Variants in BPIFB4 observed in about 807,000 individuals in gnomAD.
The protein encoded by BPIFB4 is BPI fold-containing family B member 4.
In BPIFB4, 62 loss-of-function variants were observed where a neutral mutation model predicts 69.2. The ratio of observed to expected loss-of-function variants is 0.90; its 90% confidence interval spans 0.73 to 1.11. BPIFB4 has a LOEUF of 1.11. BPIFB4 is among the 50% of genes least tolerant of loss of function. The probability of loss-of-function intolerance (pLI) is 0.00; values close to 1 mark genes in which losing one functional copy is unlikely to be tolerated. For missense variants in BPIFB4, 789 were observed against 792.0 expected, an observed-to-expected ratio of 1.00 and a Z score of 0.04; for synonymous variants, 330 against 332.7, an observed-to-expected ratio of 0.99 and a Z score of 0.09.
chr20:33,108,202 C>G (rs116006941), intron 17 of BPIFB4, among the ~76,000 whole-genome samples: 1 of 152,090 alleles, frequency 6.6e-6, no homozygotes, highest in Middle Eastern at 3.2e-3. Flanking sequence ...CAGCAGTGAA[C>G]AAGGACAACC....
At chr20:33,101,064 T>TGAGGAGGAGGACGAGGAG (rs1484116465) in intron 14 of BPIFB4, among the ~76,000 whole-genome samples, 2 of 152,030 alleles carry the variant, frequency 1.3e-5, no homozygotes, top group Non-Finnish European at 2.9e-5. Flanking sequence ...GTGATGATGA[T>TGAGGAGGAGGACGAGGAG]GAGGAGGAGG....
chr20:33,109,975 A>G (rs966435001), intron 17 of BPIFB4, among the ~76,000 whole-genome samples: 1 of 152,216 alleles, frequency 6.6e-6, no homozygotes, highest in Non-Finnish European at 1.5e-5. Context: ...AAAAGTTGCA[A>G]ACATAGTACA....
intron 10 of BPIFB4, among the ~76,000 whole-genome samples, chr20:33,091,210 G>T (rs1251995215): frequency 1.3e-5 from 2 of 152,174 alleles, no homozygotes; most frequent in Non-Finnish European, 2.9e-5. Context: ...GGGTGTACTG[G>T]AGGAATAAAT....
rs1474677532 is a variant in BPIFB4 at position 33,083,255 on chromosome 20, G to C, written c.170-112G>C. ...TGGGGGGCTGCTGGGTGGCAGTGGT[G>C]GGGGGTTGCTGGGTGGCAGTAGAGG... On this transcript the variant is annotated intron_variant, in intron 4 of 17. Transcript: ENST00000375483. The C allele has an allele frequency of 2.5e-5, 25 of 987,186 alleles. No individual in the cohort carries two copies. The East Asian group carries it at 9.3e-4, about 37-fold the overall frequency. 61.2% of individuals were successfully genotyped at this position (987,186 alleles called of 1,614,324 possible).
intron 16 of BPIFB4, 75 bp from the exon 17 acceptor site, chr20:33,107,669 C>A: frequency 8.8e-7 from 1 of 1,134,588 alleles, no homozygotes; most frequent in Non-Finnish European, 1.3e-6. Context: ...AATCTTCTTA[C>A]AAATACTGGC....
chr20:33,085,944 G>A (rs2146404134), intron 6 of BPIFB4, 77 bp from the exon 7 acceptor site: 1 of 1,505,618 alleles, frequency 6.6e-7, no homozygotes, highest in African/African-American at 1.4e-5. Flanking sequence ...GGGACAGCAA[G>A]GACAGGCCTG....
In BPIFB4 at chr20:33,097,575, A is replaced by G. The variant is rs773533068; in HGVS notation, c.1399-42A>G. On this transcript the variant is annotated intron_variant, in intron 12 of 17. Coordinates refer to ENST00000375483, the MANE Select transcript of BPIFB4 (RefSeq NM_182519.3). The stretch of plus-strand genomic sequence containing the variant: ...GCTGATAACCCCCTGGGTACCTCCT[A>G]TGCTAAGGGCCCTGTCCATCTGGCC... 23 of 1,589,540 alleles carry G rather than the reference A, an allele frequency of 1.4e-5. No individual in the cohort carries two copies. The South Asian group carries it at 1.5e-4, about 10-fold the overall frequency.
chr20:33,084,776 T>C, intron 5 of BPIFB4, 116 bp from the exon 6 acceptor site: 1 of 1,471,304 alleles, frequency 6.8e-7, no homozygotes, highest in Non-Finnish European at 9.0e-7. Flanking sequence ...GTCTAGTGTC[T>C]TTAGAGTCAG....
chr20:33,084,177 G>GA (rs1981347576), intron 5 of BPIFB4, among the ~76,000 whole-genome samples: 2 of 152,172 alleles, frequency 1.3e-5, no homozygotes, highest in Non-Finnish European at 2.9e-5. Flanking sequence ...CAGTGTAGTG[G>GA]AAAAGACCCC....
chr20:33,086,294 G>A (rs2146404454), intron 7 of BPIFB4, 130 bp downstream of exon 7: 1 of 1,234,020 alleles, frequency 8.1e-7, no homozygotes, highest in East Asian at 2.6e-5. Flanking sequence ...GGGGTGGTGA[G>A]TACTCATGCT....
chr20:33,099,896 AG>A (rs1293655385), intron 13 of BPIFB4, among the ~76,000 whole-genome samples: 4 of 151,008 alleles, frequency 2.6e-5, no homozygotes, highest in Non-Finnish European at 5.9e-5. Context: ...GGAAGGAAAA[AG>A]GGATTTTCCT....
At chr20:33,100,024 G>A (rs1981864053) in intron 13 of BPIFB4, among the ~76,000 whole-genome samples, 1 of 152,078 alleles carries the variant, frequency 6.6e-6, no homozygotes, top group African/African-American at 2.4e-5. Flanking sequence ...GTCATCTAAA[G>A]TGAGTTTCAT....
At chr20:33,097,089 G>A (rs1981776633) in intron 12 of BPIFB4, among the ~76,000 whole-genome samples, 1 of 152,156 alleles carries the variant, frequency 6.6e-6, no homozygotes, top group African/African-American at 2.4e-5. Flanking sequence ...GATTCCCCAG[G>A]CGTGGACTTC....
chr20:33,099,748 C>T (rs988149701), intron 13 of BPIFB4, among the ~76,000 whole-genome samples: 1 of 152,228 alleles, frequency 6.6e-6, no homozygotes, highest in Non-Finnish European at 1.5e-5. Flanking sequence ...CTGGCACGTG[C>T]ACCCAGAGCC....
Position 33,088,952 on chromosome 20 carries a change from T to C in BPIFB4, c.927-14T>C. Reference sequence around the variant, plus strand: ...GCTGCGAGCCTTGACCTCATCCTGCTCCTGTCTCCTTAGGCTTCTCCCCAA... The same window carrying C: ...GCTGCGAGCCTTGACCTCATCCTGCCCCTGTCTCCTTAGGCTTCTCCCCAA... On this transcript the variant is annotated splice_polypyrimidine_tract_variant and intron_variant, in intron 7 of 17. Transcript: ENST00000375483. The C allele has an allele frequency of 6.2e-7, 1 of 1,613,642 alleles. No homozygotes were observed. The highest frequency in any genetic ancestry group is 8.5e-7 in the Non-Finnish European group (1 of 1,179,642).
chr20:33,100,573 T>G, intron 14 of BPIFB4, 80 bp downstream of exon 14: 1 of 1,353,882 alleles, frequency 7.4e-7, no homozygotes, highest in Non-Finnish European at 1.0e-6. Flanking sequence ...GGTAGAGGTC[T>G]CCTGTGTGGC....
intron 15 of BPIFB4, 77 bp downstream of exon 15, chr20:33,103,091 C>A (rs1981952075): frequency 2.7e-6 from 4 of 1,507,096 alleles, no homozygotes; most frequent in African/African-American, 1.4e-5. Flanking sequence ...AATGGTGTTC[C>A]TGTGAGGCTG....
intron 16 of BPIFB4, among the ~76,000 whole-genome samples, chr20:33,106,004 C>A (rs566377974): frequency 1.3e-5 from 2 of 152,164 alleles, no homozygotes; most frequent in Non-Finnish European, 2.9e-5. Context: ...AAATACCCTG[C>A]AAAAAGCGTT....
chr20:33,101,312 T>C lies in BPIFB4; in HGVS notation c.1637+819T>C, dbSNP rs572033399. On this transcript the variant is annotated intron_variant, in intron 14 of 17. Coordinates refer to ENST00000375483, the MANE Select transcript of BPIFB4 (RefSeq NM_182519.3). ...ACCCAGGTTCATGTGACCTGCTGCA[T>C]TGGATGGGTACAATCATGCGCTTTG... Among the ~76,000 whole-genome samples, 9 of 152,200 alleles carry C rather than the reference T, an allele frequency of 5.9e-5. No individual in the cohort carries two copies. In the South Asian group the frequency reaches 8.3e-4, roughly 14 times the overall value.
Sources: allele counts gnomAD v4.1 joint callset (sites outside exome capture counted in the v4.1 genomes callset), GRCh38; gene constraint gnomAD v4.1.1; transcripts MANE v1.5; gene names NCBI Gene and HGNC (gene_info 2026-07-23, HGNC 2026-07-21).